Variants in NFIC observed in about 807,000 individuals in gnomAD.
NFIC encodes the protein nuclear factor I C.
A neutral mutation model predicts 54.4 loss-of-function variants in NFIC; 12 were observed. That is an observed-to-expected ratio of 0.22 (90% CI 0.14 to 0.36). The LOEUF is 0.36. Ranked by LOEUF, NFIC falls within the 10% of genes least tolerant of loss-of-function variation. NFIC has a pLI of 1.00. For synonymous variants in NFIC, 322 were observed against 319.2 expected (o/e 1.01, Z -0.09); for missense variants, 575 against 718.2 (o/e 0.80, Z 2.28).
intron 2 of NFIC, among the ~76,000 whole-genome samples, chr19:3,424,797 C>CT (rs1476324740): frequency 2.0e-5 from 3 of 152,218 alleles, no homozygotes; most frequent in Non-Finnish European, 4.4e-5. Context: ...TTCCAGGTGT[C>CT]TAAGTTCTTA....
In NFIC at chr19:3,370,130, G is replaced by A. The variant is rs1326221263; in HGVS notation, c.30+3464G>A. Among the ~76,000 whole-genome samples, 1 of 152,198 alleles carries A rather than the reference G, an allele frequency of 6.6e-6. No homozygotes were observed. Among genetic ancestry groups the A allele is most frequent in the East Asian group, 1.9e-4 (1 of 5,196 alleles). On this transcript the variant is annotated intron_variant, in intron 1 of 10. Transcript: ENST00000443272. This position sits in a 1 kb window ranked among gnomAD's most constrained non-coding sequence, Gnocchi z 5.2. ...CTTGGGGGGTGCCTACCAGGAGCAG[G>A]GGGCCTGCAGCCCCTCAGTGCCGGG...
intron 7 of NFIC, among the ~76,000 whole-genome samples, chr19:3,449,978 C>G (rs1244261332): frequency 6.6e-6 from 1 of 151,272 alleles, no homozygotes; most frequent in Non-Finnish European, 1.5e-5. Flanking sequence ...TCGCTTGAAC[C>G]CAGGAGGCAG....
At chr19:3,448,585 G>C (rs1048731915) in intron 6 of NFIC, among the ~76,000 whole-genome samples, 3 of 152,188 alleles carry the variant, frequency 2.0e-5, no homozygotes, top group African/African-American at 7.2e-5. Context: ...AGGGAAGGCA[G>C]AGCTGAGCTG....
intron 2 of NFIC, among the ~76,000 whole-genome samples, chr19:3,422,968 G>A (rs1364155377): frequency 2.0e-5 from 3 of 151,982 alleles, no homozygotes; most frequent in Non-Finnish European, 2.9e-5. Context: ...AGGCCGAGGC[G>A]GGCGGATCAC....
chr19:3,439,317 G>A lies in NFIC; in HGVS notation c.958+4110G>A, dbSNP rs570152866. The stretch of plus-strand genomic sequence containing the variant: ...CCACTGCACTCCATCCGGGGCAACA[G>A]AGAAAGACCCTGTCTCAAAAAAAAA... On this transcript the variant is annotated intron_variant, in intron 6 of 10. Transcript: ENST00000443272. 1.2e-3 allele frequency among the ~76,000 whole-genome samples: 109 copies of A among 90,876 alleles called. 2 individuals carry two copies. Among genetic ancestry groups the A allele is most frequent in the Middle Eastern group, 0.012 (1 of 86 alleles). 59.6% of individuals were successfully genotyped at this position (90,876 alleles called of 152,430 possible). A position where few individuals can be genotyped will look rare whatever the true frequency, so the allele number is the denominator to read the frequency against.
chr19:3,451,883 A>G (rs1280211835), intron 7 of NFIC, among the ~76,000 whole-genome samples: 1 of 150,904 alleles, frequency 6.6e-6, no homozygotes, highest in Non-Finnish European at 1.5e-5. Context: ...TTGGGAGGCC[A>G]AAGTGGGCGG....
chr19:3,458,397 G>A lies in NFIC; in HGVS notation c.1509+1762G>A, dbSNP rs1412435472. ...GCTGCGGTGGGAGGAGGCCCAGCCC[G>A]CTTAACCCTTCCCCAGCCTCTGCCT... On this transcript the variant is annotated intron_variant, in intron 10 of 10. Transcript: ENST00000443272. This position sits in a 1 kb window ranked among gnomAD's most constrained non-coding sequence, Gnocchi z 4.1. 1.3e-5 allele frequency among the ~76,000 whole-genome samples: 2 copies of A among 152,030 alleles called. No individual in the cohort carries two copies. The highest frequency in any genetic ancestry group is 2.1e-4 in the South Asian group (1 of 4,822).
At chr19:3,433,780 C>T (rs1360245338) in intron 4 of NFIC, among the ~76,000 whole-genome samples, 188 bp downstream of exon 4, 1 of 152,120 alleles carries the variant, frequency 6.6e-6, no homozygotes, top group African/African-American at 2.4e-5. Context: ...TCCCTCCCAC[C>T]TCTCCAGGAA....
intron 1 of NFIC, among the ~76,000 whole-genome samples, chr19:3,374,123 T>C (rs2081067332): frequency 6.6e-6 from 1 of 152,216 alleles, no homozygotes; most frequent in Admixed American, 6.5e-5. Context: ...CACTTTTACC[T>C]GGAAACTTTT....
chr19:3,431,294 G>A (rs1179570950), intron 3 of NFIC, among the ~76,000 whole-genome samples: 2 of 151,090 alleles, frequency 1.3e-5, no homozygotes, highest in Non-Finnish European at 2.9e-5. Flanking sequence ...AAAGTGCTGG[G>A]ATTACAGGTG....
At position 3,452,678 on chromosome 19, in the gene NFIC, G is replaced by A. The variant is rs953940101; in HGVS notation, c.1269+12G>A. On this transcript the variant is annotated intron_variant, in intron 8 of 10. Coordinates refer to ENST00000443272, the MANE Select transcript of NFIC (RefSeq NM_001245002.2). This position sits in a 1 kb window ranked among gnomAD's most constrained non-coding sequence, Gnocchi z 5.3. ...AGCAACCTGGACCGGTGAGTTGGGC[G>A]GGGCGCATTCGGGCCTCTCCTGGCG... 8.8e-6 allele frequency: 14 copies of A among 1,588,108 alleles called. No individual in the cohort carries two copies. Among genetic ancestry groups the A allele is most frequent in the South Asian group, 3.4e-5 (3 of 87,788 alleles).
At position 3,443,751 on chromosome 19, in the gene NFIC, A is replaced by G. The variant is rs550345661; in HGVS notation, c.959-5263A>G. On this transcript the variant is annotated intron_variant, in intron 6 of 10. Coordinates refer to ENST00000443272, the MANE Select transcript of NFIC (RefSeq NM_001245002.2). ...GGACCTGTGTGGTTGTCACGACTGC[A>G]GGGTGGTCCTGGCATGGATTGGGTC... is the stretch of plus-strand genomic sequence containing the variant. Among the ~76,000 whole-genome samples, 3 of 152,266 alleles carry G rather than the reference A, an allele frequency of 2.0e-5. No homozygotes were observed. The South Asian group carries it at 6.2e-4, about 32-fold the overall frequency.
At position 3,427,012 on chromosome 19, in the gene NFIC, C is replaced by T. The variant is rs934431397; in HGVS notation, c.634+1835C>T. On this transcript the variant is annotated intron_variant, in intron 3 of 10. Coordinates refer to ENST00000443272, the MANE Select transcript of NFIC (RefSeq NM_001245002.2). ...CGCAATCTCGGCTCACTGCCATCCC[C>T]GCCTCCTAGGTTCACGCCATTCTCC... 7.2e-5 allele frequency among the ~76,000 whole-genome samples: 11 copies of T among 151,744 alleles called. No individual in the cohort carries two copies. The South Asian group carries it at 1.5e-3, about 20-fold the overall frequency.
intron 6 of NFIC, among the ~76,000 whole-genome samples, chr19:3,441,563 C>T (rs1185613906): frequency 2.0e-5 from 3 of 152,262 alleles, no homozygotes; most frequent in Non-Finnish European, 4.4e-5. Context: ...GGGGACGCCT[C>T]AGAACAGGCC....
rs897392649 is a variant in NFIC at position 3,463,585 on chromosome 19, G to T, written c.*816G>T. 5 of 984,900 alleles carry T rather than the reference G, an allele frequency of 5.1e-6. No individual in the cohort carries two copies. Among genetic ancestry groups the T allele is most frequent in the Admixed American group, 6.2e-5 (1 of 16,238 alleles). 61.0% of individuals were successfully genotyped at this position (984,900 alleles called of 1,614,324 possible). ...ACTCTTTCAGCCCTCGCGCCCGCCCGTTTGGGAGGAGAAGTCTCTATGCAA... is the reference window on the plus strand; with the variant it reads ...ACTCTTTCAGCCCTCGCGCCCGCCCTTTTGGGAGGAGAAGTCTCTATGCAA... On this transcript the variant is annotated 3_prime_UTR_variant, in exon 11 of 11. Transcript: ENST00000443272.
At position 3,370,696 on chromosome 19, in the gene NFIC, G is replaced by C. The variant is rs72973089; in HGVS notation, c.30+4030G>C. ...CTGTTCCTCTTCTTTCTCTCTGTCT[G>C]TCTCTTTCTTTCTCCCTCCCTTCCT... On this transcript the variant is annotated intron_variant, in intron 1 of 10. Coordinates refer to ENST00000443272, the MANE Select transcript of NFIC (RefSeq NM_001245002.2). The surrounding 1 kb of genome is among the most constrained non-coding windows in gnomAD (Gnocchi z 5.2). Among the ~76,000 whole-genome samples, 414 of 150,192 alleles carry C rather than the reference G, an allele frequency of 2.8e-3. 1 individual carries two copies. Among genetic ancestry groups the C allele is most frequent in the Middle Eastern group, 6.8e-3 (2 of 292 alleles).
At chr19:3,415,025 A>C (rs1474649858) in intron 2 of NFIC, among the ~76,000 whole-genome samples, 2 of 151,964 alleles carry the variant, frequency 1.3e-5, no homozygotes, top group Middle Eastern at 3.4e-3. Context: ...TTTTTGGTAG[A>C]GACGGGGTTT....
At chr19:3,443,744 C>T (rs57181071) in intron 6 of NFIC, among the ~76,000 whole-genome samples, 3,656 of 152,252 alleles carry the variant, frequency 0.024, 146 homozygotes, top group African/African-American at 0.082. Flanking sequence ...GTGGTTGTCA[C>T]GACTGCAGGG....
intron 1 of NFIC, among the ~76,000 whole-genome samples, chr19:3,380,297 C>T (rs1367172908): frequency 6.7e-6 from 1 of 148,704 alleles, no homozygotes; most frequent in East Asian, 2.0e-4. Flanking sequence ...AGCCACCGTG[C>T]CCAGCCTTGT....
Sources: allele counts gnomAD v4.1 joint callset (sites outside exome capture counted in the v4.1 genomes callset), GRCh38; gene constraint gnomAD v4.1.1; non-coding constraint Gnocchi (gnomAD v3.1); transcripts MANE v1.5; gene names NCBI Gene and HGNC (gene_info 2026-07-23, HGNC 2026-07-21).